Variants in GRIP1 observed in about 807,000 individuals in gnomAD.
GRIP1 encodes the protein glutamate receptor-interacting protein 1.
A neutral mutation model predicts 129.9 loss-of-function variants in GRIP1; 45 were observed. That is an observed-to-expected ratio of 0.35 (90% CI 0.27 to 0.44). GRIP1 has a LOEUF of 0.44. Ranked by LOEUF, GRIP1 falls within the 20% of genes least tolerant of loss-of-function variation. The probability of loss-of-function intolerance (pLI) is 1.00; values close to 1 mark genes in which losing one functional copy is unlikely to be tolerated. For synonymous variants in GRIP1, 530 were observed against 520.8 expected, an observed-to-expected ratio of 1.02 and a Z score of -0.24; for missense variants, 1,196 against 1,396.8, an observed-to-expected ratio of 0.86 and a Z score of 2.29.
intron 1 of GRIP1, among the ~76,000 whole-genome samples, chr12:66,944,776 G>A (rs552637346): frequency 1.8e-4 from 27 of 151,338 alleles, no homozygotes; most frequent in Non-Finnish European, 3.8e-4. Flanking sequence ...GGCAAATTAC[G>A]CAGGTGTTTT....
At chr12:66,446,525 T>C (rs2058634805) in intron 11 of GRIP1, among the ~76,000 whole-genome samples, 1 of 152,204 alleles carries the variant, frequency 6.6e-6, no homozygotes, top group Non-Finnish European at 1.5e-5. Flanking sequence ...CTCCTTGCTC[T>C]CCACATACGG....
At chr12:66,490,608 A>G (rs2060079628) in intron 7 of GRIP1, among the ~76,000 whole-genome samples, 2 of 151,936 alleles carry the variant, frequency 1.3e-5, no homozygotes, top group South Asian at 4.1e-4. Context: ...GCAAAAATTG[A>G]CAAATGAGAT....
intron 7 of GRIP1, among the ~76,000 whole-genome samples, chr12:66,495,010 T>C (rs373738996): frequency 2.4e-4 from 36 of 152,188 alleles, no homozygotes; most frequent in African/African-American, 8.2e-4. Flanking sequence ...GTTAATACAA[T>C]GTGTAAGGTA....
chr12:66,683,354 G>C (rs182217966), upstream of GRIP1, among the ~76,000 whole-genome samples: 1 of 152,054 alleles, frequency 6.6e-6, no homozygotes, highest in African/African-American at 2.4e-5. Context: ...AGACAAGGGA[G>C]ATGTACACTG....
intron 1 of GRIP1, among the ~76,000 whole-genome samples, chr12:67,045,444 T>G (rs890839762): frequency 2.6e-5 from 4 of 152,140 alleles, no homozygotes; most frequent in Non-Finnish European, 5.9e-5. Flanking sequence ...GCTATGTTGC[T>G]CCTCCAACCC....
chr12:67,066,927 CTGAA>C (rs2043640528), intron 1 of GRIP1, among the ~76,000 whole-genome samples: 1 of 138,276 alleles, frequency 7.2e-6, no homozygotes, highest in Admixed American at 7.2e-5. Context: ...CACACACAAA[CTGAA>C]ACACAAACAC....
intron 1 of GRIP1, among the ~76,000 whole-genome samples, chr12:66,859,276 CAAAAAAACAAAAAAACAAAAAAACAA>C (rs2040064977): frequency 9.2e-5 from 1 of 10,884 alleles, no homozygotes; most frequent in African/African-American, 1.4e-4. Context: ...AACAAAAAAA[CAAAAAAACAAAAAAACAAAAAAACAA>C]AAAAAAACCA....
intron 15 of GRIP1, among the ~76,000 whole-genome samples, chr12:66,410,218 C>G (rs1376367439): frequency 4.3e-5 from 5 of 116,812 alleles, no homozygotes; most frequent in African/African-American, 1.5e-4. Context: ...CCACTGCACT[C>G]CCGCCTGGGC....
chr12:66,618,924 C>T (rs1276604562), intron 1 of GRIP1, among the ~76,000 whole-genome samples: 2 of 151,958 alleles, frequency 1.3e-5, no homozygotes, highest in Admixed American at 6.6e-5. Flanking sequence ...ATTTATTTAT[C>T]GTAGGTTTTG....
intron 2 of GRIP1, among the ~76,000 whole-genome samples, chr12:66,556,089 A>G (rs1471187961): frequency 1.3e-5 from 2 of 152,232 alleles, no homozygotes; most frequent in Non-Finnish European, 1.5e-5. Flanking sequence ...AGAACACCAA[A>G]CAGATTGAGC....
intron 9 of GRIP1, among the ~76,000 whole-genome samples, chr12:66,457,751 A>G (rs979944609): frequency 1.3e-5 from 2 of 152,182 alleles, no homozygotes; most frequent in East Asian, 1.9e-4. Context: ...AGGACATGAA[A>G]AAAAAAGCAC....
chr12:66,601,466 C>T (rs1380287578), intron 1 of GRIP1, among the ~76,000 whole-genome samples: 1 of 152,174 alleles, frequency 6.6e-6, no homozygotes, highest in Non-Finnish European at 1.5e-5. Context: ...TCTCATTTCT[C>T]ACTCTGGGCT....
chr12:66,715,417 A>C (rs1482575313), intron 1 of GRIP1, among the ~76,000 whole-genome samples: 1 of 146,792 alleles, frequency 6.8e-6, no homozygotes, highest in Non-Finnish European at 1.5e-5. Context: ...TCTGAACTTA[A>C]GGATAATTCT....
chr12:66,667,527 A>C (rs1464987217), intron 1 of GRIP1, among the ~76,000 whole-genome samples: 3 of 152,224 alleles, frequency 2.0e-5, no homozygotes, highest in African/African-American at 7.2e-5. Context: ...GTTGCCTAAT[A>C]CAAGTAGCTG....
At chr12:66,515,165 T>C (rs2060807226) in intron 7 of GRIP1, among the ~76,000 whole-genome samples, 1 of 152,132 alleles carries the variant, frequency 6.6e-6, no homozygotes, top group Non-Finnish European at 1.5e-5. Context: ...TAAATCTGAT[T>C]GTGAAATAAA....
intron 2 of GRIP1, among the ~76,000 whole-genome samples, chr12:66,556,758 T>C (rs2062347906): frequency 6.6e-6 from 1 of 152,062 alleles, no homozygotes; most frequent in African/African-American, 2.4e-5. Flanking sequence ...TGTCATCAGT[T>C]TAAAATAATG....
chr12:67,039,524 A>G (rs559979018), intron 1 of GRIP1, among the ~76,000 whole-genome samples: 4 of 152,202 alleles, frequency 2.6e-5, no homozygotes, highest in Non-Finnish European at 4.4e-5. Flanking sequence ...TATTTAAACT[A>G]TAGCCAGTAT....
chr12:67,041,214 CAT>C (rs1351844761), intron 1 of GRIP1, among the ~76,000 whole-genome samples: 2 of 151,892 alleles, frequency 1.3e-5, no homozygotes, highest in African/African-American at 4.8e-5. Flanking sequence ...TATACACATA[CAT>C]ATGTGTATTA....
chr12:66,698,759 C>T (rs1401413963), intron 1 of GRIP1, among the ~76,000 whole-genome samples: 1 of 152,146 alleles, frequency 6.6e-6, no homozygotes, highest in Non-Finnish European at 1.5e-5. Flanking sequence ...TCTGGAAGCC[C>T]AGTAGGTGGA....
Sources: allele counts gnomAD v4.1 joint callset (sites outside exome capture counted in the v4.1 genomes callset), GRCh38; gene constraint gnomAD v4.1.1; transcripts MANE v1.5; gene names NCBI Gene and HGNC (gene_info 2026-07-23, HGNC 2026-07-21).